PACRG: variants seen among roughly 807,000 people sequenced by gnomAD.
PACRG encodes parkin coregulated gene protein.
In PACRG, 29 loss-of-function variants were observed where a neutral mutation model predicts 29.7. The ratio of observed to expected loss-of-function variants is 0.98; its 90% CI spans 0.73 to 1.33. PACRG has a LOEUF of 1.33. Ranked by LOEUF, PACRG falls within the 40% of genes most tolerant of loss-of-function variation. The pLI is 0.00. For synonymous variants in PACRG, 116 were observed against 118.7 expected, an observed-to-expected ratio of 0.98 and a Z score of 0.15; for missense variants, 279 against 316.2, an observed-to-expected ratio of 0.88 and a Z score of 0.89.
chr6:163,034,457 C>A (rs531687417), intron 2 of PACRG, among the ~76,000 whole-genome samples: 1 of 152,260 alleles, frequency 6.6e-6, no homozygotes, highest in East Asian at 1.9e-4. Flanking sequence ...GGCACTCTAA[C>A]CCTCCTAAAT....
At position 163,290,278 on chromosome 6, in the gene PACRG, G is replaced by GCACACACA. The variant is rs3064946; in HGVS notation, c.614-24510_614-24503dup. 5.4e-3 allele frequency among the ~76,000 whole-genome samples: 615 copies of GCACACACA among 114,532 alleles called. 7 individuals carry two copies. Among genetic ancestry groups the GCACACACA allele is most frequent in the East Asian group, 0.017 (71 of 4,232 alleles). 75.1% of individuals were successfully genotyped at this position (114,532 alleles called of 152,430 possible). ...CATGTGCGCATGCACGCGCGCGCGC[G>GCACACACA]CACACACACACACACACACACACAC... On this transcript the variant is annotated intron_variant, in intron 4 of 4. Transcript: ENST00000366888.
Position 163,309,267 on chromosome 6 carries a change from G to A in PACRG, c.614-5560G>A, listed in dbSNP as rs111694342. Among the ~76,000 whole-genome samples, 346 of 152,360 alleles carry A rather than the reference G, an allele frequency of 2.3e-3. 1 individual carries two copies. Among genetic ancestry groups the A allele is most frequent in the African/African-American group, 7.6e-3 (315 of 41,586 alleles). The stretch of plus-strand genomic sequence containing the variant: ...GCCCTAGACCGATGGCGGTGCGGCT[G>A]AACCACGAGGCCTCCGCAGCTATTT... On this transcript the variant is annotated intron_variant, in intron 4 of 4. Transcript: ENST00000366888.
Position 163,269,939 on chromosome 6 carries a change from G to GA in PACRG, c.614-44885dup, listed in dbSNP as rs1399757150. The stretch of plus-strand genomic sequence containing the variant: ...GAAAGAAAGAAAGAAAACAAAGAAA[G>GA]AAAGAAAGAAAGAAAGAAAGAAAGA... On this transcript the variant is annotated intron_variant, in intron 4 of 4. Coordinates refer to ENST00000366888, the MANE Select transcript of PACRG (RefSeq NM_001080379.2). Among the ~76,000 whole-genome samples, 90 of 19,918 alleles carry GA rather than the reference G, an allele frequency of 4.5e-3. 1 individual carries two copies. Among genetic ancestry groups the GA allele is most frequent in the African/African-American group, 0.013 (62 of 4,602 alleles). 13.1% of individuals were successfully genotyped at this position (19,918 alleles called of 152,430 possible).
chr6:163,070,735 T>A (rs1324587848), intron 3 of PACRG, among the ~76,000 whole-genome samples: 3 of 147,184 alleles, frequency 2.0e-5, no homozygotes, highest in Admixed American at 6.8e-5. Context: ...TGCACAAAAA[T>A]CTCCAATCAA....
chr6:163,023,956 C>T lies in PACRG; in HGVS notation c.292-38194C>T, dbSNP rs990330612. Among the ~76,000 whole-genome samples, 151 of 152,032 alleles carry T rather than the reference C, an allele frequency of 9.9e-4. 2 individuals carry two copies. The highest frequency in any genetic ancestry group is 1.8e-4 in the Non-Finnish European group (12 of 67,962). On this transcript the variant is annotated intron_variant, in intron 2 of 4. Coordinates refer to ENST00000366888, the MANE Select transcript of PACRG (RefSeq NM_001080379.2). ...TTTGCTTGTTCAATTGTTTAAGTTC[C>T]CTAGAGATTCTGCATTTTGTTGAAT...
At chr6:162,943,304 T>C (rs948177807) in intron 2 of PACRG, among the ~76,000 whole-genome samples, 2 of 152,082 alleles carry the variant, frequency 1.3e-5, no homozygotes, top group African/African-American at 4.8e-5. Context: ...ATATCCCCCA[T>C]CCATAGCTGC....
intron 2 of PACRG, among the ~76,000 whole-genome samples, chr6:163,037,038 A>C (rs1335406489): frequency 6.6e-6 from 1 of 152,212 alleles, no homozygotes; most frequent in Non-Finnish European, 1.5e-5. Context: ...GTGTGCATGC[A>C]TGTGTGTACA....
At chr6:162,893,931 G>A (rs1794973443) in intron 2 of PACRG, among the ~76,000 whole-genome samples, 1 of 152,214 alleles carries the variant, frequency 6.6e-6, no homozygotes, top group South Asian at 2.1e-4. Context: ...ACTCTTAGTG[G>A]CACAATCAAT....
chr6:163,157,623 C>T (rs1438175178), intron 4 of PACRG, among the ~76,000 whole-genome samples: 2 of 152,196 alleles, frequency 1.3e-5, no homozygotes, highest in East Asian at 3.9e-4. Flanking sequence ...TGCTTGCTCT[C>T]ACACTAATAT....
chr6:162,906,257 C>A (rs2128067510), intron 2 of PACRG, among the ~76,000 whole-genome samples: 1 of 152,288 alleles, frequency 6.6e-6, no homozygotes, highest in South Asian at 2.1e-4. Context: ...ATGTAAATGT[C>A]AATTTAATGC....
At chr6:162,956,528 G>T (rs903982481) in intron 2 of PACRG, among the ~76,000 whole-genome samples, 2 of 152,206 alleles carry the variant, frequency 1.3e-5, no homozygotes, top group African/African-American at 4.8e-5. Flanking sequence ...CTGTCTCAAA[G>T]CTCTGGAGGC....
chr6:162,942,190 T>C (rs1464356291), intron 2 of PACRG, among the ~76,000 whole-genome samples: 2 of 152,230 alleles, frequency 1.3e-5, no homozygotes, highest in African/African-American at 2.4e-5. Context: ...ATCAAAATCT[T>C]AGGCAAGTTT....
rs900355757 is a variant in PACRG, at chr6:163,027,746, C to G, written c.292-34404C>G. On this transcript the variant is annotated intron_variant, in intron 2 of 4. Transcript: ENST00000366888. ...AAAGGCTCTTTTGCAGCTTTCATGG[C>G]CAGTCAAGAGATGATAAAACAGAAT... Among the ~76,000 whole-genome samples, 6 of 152,284 alleles carry G rather than the reference C, an allele frequency of 3.9e-5. 1 individual carries two copies. Among genetic ancestry groups the G allele is most frequent in the African/African-American group, 1.4e-4 (6 of 41,564 alleles).
intron 4 of PACRG, among the ~76,000 whole-genome samples, chr6:163,147,308 A>C (rs1360334017): frequency 2.6e-5 from 4 of 152,226 alleles, no homozygotes; most frequent in Non-Finnish European, 5.9e-5. Flanking sequence ...AATATAGAAA[A>C]ATGAAAATGT....
At chr6:163,235,568 C>T (rs1308397391) in intron 4 of PACRG, among the ~76,000 whole-genome samples, 1 of 152,126 alleles carries the variant, frequency 6.6e-6, no homozygotes, top group Non-Finnish European at 1.5e-5. Flanking sequence ...CAGATCATGC[C>T]ATTCATCCCC....
intron 2 of PACRG, among the ~76,000 whole-genome samples, chr6:162,929,564 A>G (rs1797696903): frequency 1.3e-5 from 2 of 152,084 alleles, no homozygotes; most frequent in African/African-American, 4.8e-5. Context: ...CTTGCTGTGC[A>G]AAAGCTTTCT....
At chr6:162,961,734 G>A (rs373499488) in intron 2 of PACRG, among the ~76,000 whole-genome samples, 4 of 151,988 alleles carry the variant, frequency 2.6e-5, no homozygotes, top group South Asian at 2.1e-4. Context: ...ATTTCTACCC[G>A]CTTCCCTAGA....
At chr6:163,244,830 TA>T (rs1782631936) in intron 4 of PACRG, 1 of 264,048 alleles carries the variant, frequency 3.8e-6, no homozygotes, top group African/African-American at 2.2e-5. Context: ...ATGAGATTTT[TA>T]ACCTTGGCAA....
chr6:163,198,370 GA>G (rs2128148112), intron 4 of PACRG, among the ~76,000 whole-genome samples: 1 of 152,354 alleles, frequency 6.6e-6, no homozygotes, highest in East Asian at 1.9e-4. Context: ...TAGATTGTGA[GA>G]TAAATGAGGA....
Sources: allele counts gnomAD v4.1 joint callset (sites outside exome capture counted in the v4.1 genomes callset), GRCh38; gene constraint gnomAD v4.1.1; transcripts MANE v1.5; gene names NCBI Gene and HGNC (gene_info 2026-07-23, HGNC 2026-07-21).